The following SLC35A1 variants were observed in gnomAD, a reference collection of about 807,000 sequenced individuals.
The protein encoded by SLC35A1 is CMP-sialic acid transporter.
Under a neutral mutation model 40.3 loss-of-function variants are expected in SLC35A1, and 21 were observed. The ratio of observed to expected loss-of-function variants is 0.52; its 90% CI spans 0.37 to 0.75. The LOEUF is 0.75. Among genes scored for constraint, SLC35A1 ranks in the 30% least tolerant of loss-of-function variants. The pLI is 0.00. For synonymous variants in SLC35A1, 146 were observed against 147.3 expected (o/e 0.99, Z 0.06); for missense variants, 297 against 382.1 (o/e 0.78, Z 1.86).
At chr6:87,507,027 G>C (rs1388913387) in intron 5 of SLC35A1, 1 of 153,546 alleles carries the variant, frequency 6.5e-6, no homozygotes, top group African/African-American at 2.4e-5. Flanking sequence ...GTATGTGTAG[G>C]GACAAGCACT....
chr6:87,486,538 G>A, intron 2 of SLC35A1, among the ~76,000 whole-genome samples: 1 of 152,090 alleles, frequency 6.6e-6, no homozygotes, highest in East Asian at 1.9e-4. Context: ...CTGCCCTCAT[G>A]GACTTATAGT....
chr6:87,494,074 C>CTT (rs71018023), intron 2 of SLC35A1, among the ~76,000 whole-genome samples: 109 of 148,572 alleles, frequency 7.3e-4, no homozygotes, highest in African/African-American at 2.5e-3. Context: ...CCCCACTTTC[C>CTT]TTTTTTTTTT....
intron 4 of SLC35A1, among the ~76,000 whole-genome samples, chr6:87,504,212 G>A (rs986694147): frequency 1.3e-5 from 2 of 151,020 alleles, no homozygotes; most frequent in African/African-American, 4.9e-5. Flanking sequence ...GATCACTTGA[G>A]CCGAGGAGGT....
At position 87,511,516 on chromosome 6, in the gene SLC35A1, TTGG is replaced by T. The variant is rs759705001; in HGVS notation, c.1007_1009del (p.Gly336del). ...GAAACAGCTTCAAAGGAGAGAGTTA[TTGG>T]TGTGTGATTTTAGCCTCACGTGAGA... On this transcript the variant is annotated inframe_deletion, in exon 8 of 8. Transcript: ENST00000369552. The T allele has an allele frequency of 1.9e-6, 3 of 1,614,004 alleles. No homozygotes were observed. The highest frequency in any genetic ancestry group is 2.5e-6 in the Non-Finnish European group (3 of 1,179,952).
chr6:87,483,434 C>A (rs1023149310), intron 2 of SLC35A1, among the ~76,000 whole-genome samples: 5 of 152,090 alleles, frequency 3.3e-5, no homozygotes, highest in African/African-American at 1.2e-4. Context: ...TTCAGCCCCC[C>A]ACAATGGGGA....
At chr6:87,495,984 TACTTA>T (rs888249815) in intron 2 of SLC35A1, 1 of 152,206 alleles carries the variant, frequency 6.6e-6, no homozygotes. Flanking sequence ...GAGTTAATTA[TACTTA>T]ACTTTGTAGA....
chr6:87,503,841 T>G (rs1270555634), intron 4 of SLC35A1, among the ~76,000 whole-genome samples: 1 of 152,010 alleles, frequency 6.6e-6, no homozygotes, highest in African/African-American at 2.4e-5. Flanking sequence ...GTTTCACACT[T>G]GGTGAAGTCA....
chr6:87,473,847 C>T (rs2127961098), intron 1 of SLC35A1, among the ~76,000 whole-genome samples: 1 of 152,366 alleles, frequency 6.6e-6, no homozygotes, highest in East Asian at 1.9e-4. Context: ...CTCCACCCTT[C>T]CTCCATAGAG....
chr6:87,487,567 C>T lies in SLC35A1; in HGVS notation c.194+10028C>T, dbSNP rs186776214. On this transcript the variant is annotated intron_variant, in intron 2 of 7. Transcript: ENST00000369552. ...AGCATTGAACTCATGGCCAACAGCACTATAACATGCCTGAACAAAGCTTAT... is the reference window on the plus strand; with the variant it reads ...AGCATTGAACTCATGGCCAACAGCATTATAACATGCCTGAACAAAGCTTAT... Among the ~76,000 whole-genome samples, 4 of 152,250 alleles carry T rather than the reference C, an allele frequency of 2.6e-5. No homozygotes were observed. The East Asian group carries it at 7.7e-4, about 29-fold the overall frequency.
Position 87,511,391 on chromosome 6 carries a change from C to A in SLC35A1, c.887-8C>A, listed in dbSNP as rs1372861855. Reference sequence around the variant, plus strand: ...TACAGATAAAGCTATTTTTTTTTTTCTTTTCAGCACTCACCTTTGCCCTGG... The same window carrying A: ...TACAGATAAAGCTATTTTTTTTTTTATTTTCAGCACTCACCTTTGCCCTGG... On this transcript the variant is annotated splice_polypyrimidine_tract_variant and splice_region_variant and intron_variant, in intron 7 of 7. Transcript: ENST00000369552. 1.3e-6 allele frequency: 2 copies of A among 1,595,194 alleles called. No individual in the cohort carries two copies. Among genetic ancestry groups the A allele is most frequent in the Non-Finnish European group, 1.7e-6 (2 of 1,173,448 alleles).
At chr6:87,505,365 A>G (rs75888820) in intron 4 of SLC35A1, among the ~76,000 whole-genome samples, 1,697 of 152,328 alleles carry the variant, frequency 0.011, 29 homozygotes, top group African/African-American at 0.039. Flanking sequence ...TTAGAAAAGA[A>G]AGAGAAAATA....
chr6:87,473,162 G>A, intron 1 of SLC35A1, 143 bp downstream of exon 1: 1 of 394,776 alleles, frequency 2.5e-6, no homozygotes, highest in East Asian at 3.7e-5. Flanking sequence ...AGGAGTTTGC[G>A]TGGAGCCGCT....
intron 5 of SLC35A1, 81 bp from the exon 6 acceptor site, chr6:87,508,339 C>G: frequency 1.1e-6 from 1 of 912,904 alleles, no homozygotes; most frequent in Non-Finnish European, 1.7e-6. Flanking sequence ...TTATATATCT[C>G]TAGGGTATTG....
intron 2 of SLC35A1, among the ~76,000 whole-genome samples, chr6:87,479,312 G>T (rs978462011): frequency 1.3e-5 from 2 of 152,160 alleles, no homozygotes; most frequent in Non-Finnish European, 2.9e-5. Flanking sequence ...ATAGTTAAGG[G>T]AGGTTTTAGT....
intron 2 of SLC35A1, among the ~76,000 whole-genome samples, chr6:87,485,664 A>G (rs2127966689): frequency 6.6e-6 from 1 of 152,110 alleles, no homozygotes; most frequent in South Asian, 2.1e-4. Flanking sequence ...CTGGGAGGCT[A>G]AGGTGGGAGG....
At chr6:87,486,866 T>C (rs560123520) in intron 2 of SLC35A1, among the ~76,000 whole-genome samples, 16 of 152,106 alleles carry the variant, frequency 1.1e-4, no homozygotes, top group Non-Finnish European at 2.1e-4. Context: ...AGATTTAATC[T>C]GAAGTGCATT....
chr6:87,484,244 T>G (rs1769330022), intron 2 of SLC35A1, among the ~76,000 whole-genome samples: 1 of 152,052 alleles, frequency 6.6e-6, no homozygotes, highest in African/African-American at 2.4e-5. Context: ...GGGGGCGGGG[T>G]GCACCTCCTC....
chr6:87,486,503 C>T (rs1340332495), intron 2 of SLC35A1, among the ~76,000 whole-genome samples: 1 of 152,096 alleles, frequency 6.6e-6, no homozygotes, highest in Non-Finnish European at 1.5e-5. Context: ...TTCACTAGAA[C>T]ACTGCAAATT....
chr6:87,510,001 G>A (rs191638398), intron 7 of SLC35A1, among the ~76,000 whole-genome samples: 1 of 152,268 alleles, frequency 6.6e-6, no homozygotes, highest in Admixed American at 6.5e-5. Flanking sequence ...TATATAAATG[G>A]AAATAGTGTT....
Sources: gnomAD v4.1 joint callset for allele counts (sites outside exome capture counted in the v4.1 genomes callset) on GRCh38, gnomAD v4.1.1 for gene constraint, MANE v1.5 for transcripts, NCBI Gene and HGNC (gene_info 2026-07-23, HGNC 2026-07-21) for gene names.